PRPF8: variants seen among roughly 807,000 people sequenced by gnomAD.
The protein encoded by PRPF8 is pre-mRNA processing factor 8, also known as pre-mRNA-processing-splicing factor 8.
PRPF8 carries 64 observed loss-of-function variants against 285.9 expected under a neutral mutation model. The observed-to-expected ratio is 0.22, with a 90% CI of 0.18 to 0.28. The LOEUF is 0.28. PRPF8 is among the 10% of genes least tolerant of loss of function. PRPF8 has a pLI of 1.00. For missense variants in PRPF8, 1,426 were observed against 3,026.7 expected (o/e 0.47, Z 12.41); for synonymous variants, 1,325 against 1,118.2 (o/e 1.18, Z -3.69).
At chr17:1,660,166 T>A (rs1170248258) in intron 30 of PRPF8, among the ~76,000 whole-genome samples, 165 bp from the exon 31 acceptor site, 1 of 152,068 alleles carries the variant, frequency 6.6e-6, no homozygotes, top group East Asian at 1.9e-4. Context: ...CAGCACGCTC[T>A]CCCCGCGATT....
Position 1,660,837 on chromosome 17 carries a change from A to C in PRPF8, c.4509-10T>G. On this transcript the variant is annotated splice_polypyrimidine_tract_variant and intron_variant, in intron 28 of 42. Transcript: ENST00000304992. ...GCCACTGGCCTTCTCCCTGGGGAGC[A>C]AGAGAAGCAGGTGAGGTGATATCCT... 2.5e-6 allele frequency: 4 copies of C among 1,613,818 alleles called. No homozygotes were observed. The highest frequency in any genetic ancestry group is 2.2e-5 in the East Asian group (1 of 44,884).
chr17:1,683,809 C>T (rs1767007647), intron 2 of PRPF8, 108 bp from the exon 3 acceptor site: 2 of 1,358,690 alleles, frequency 1.5e-6, no homozygotes, highest in Non-Finnish European at 2.1e-6. Flanking sequence ...AAGCAGGCAC[C>T]AGCAGGAAGA....
In PRPF8 at chr17:1,675,337, T is replaced by C; in HGVS notation, c.2875A>G (p.Ile959Val). The C allele has an allele frequency of 6.2e-7, 1 of 1,614,170 alleles. No individual in the cohort carries two copies. The change falls in exon 20 of 43, where the codon ATC becomes GTC. Residue 959 changes from isoleucine to valine, a missense_variant and splice_region_variant. Physicochemically the swap from Ile to Val is conservative, Grantham distance 29. Coordinates refer to ENST00000304992, the MANE Select transcript of PRPF8 (RefSeq NM_006445.4). This position sits in a 1 kb window ranked among gnomAD's most constrained non-coding sequence, Gnocchi z 6.0. ...TCCCACACGTCCTGCAGGTTATTGA[T>C]GCCTGAGGAGTAGCAAGGCAGGTCT... ...PLLVYKWCQGINNLQDVWETS... is the reference protein window; with the variant it reads ...PLLVYKWCQGVNNLQDVWETS...
chr17:1,680,418 T>C (rs1188400368), intron 8 of PRPF8: 1 of 474,302 alleles, frequency 2.1e-6, no homozygotes, highest in East Asian at 4.1e-5. Context: ...ATAACTTGTA[T>C]GGTATGTTAA....
chr17:1,664,496 G>C (rs762832508), intron 24 of PRPF8, among the ~76,000 whole-genome samples: 1 of 152,110 alleles, frequency 6.6e-6, no homozygotes, highest in Admixed American at 6.5e-5. Context: ...AAGAGAGACT[G>C]TACGCTAGGA....
intron 24 of PRPF8, 138 bp from the exon 25 acceptor site, chr17:1,662,291 A>G (rs551939915): frequency 1.1e-5 from 12 of 1,044,194 alleles, no homozygotes; most frequent in Non-Finnish European, 1.6e-5. Context: ...GGGAAATAGA[A>G]AGCAAAACAC....
At position 1,675,085 on chromosome 17, in the gene PRPF8, A is replaced by T. The variant is rs1264089962; in HGVS notation, c.3060+67T>A. 4.4e-6 allele frequency: 7 copies of T among 1,596,070 alleles called. No homozygotes were observed. Among genetic ancestry groups the T allele is most frequent in the Non-Finnish European group, 6.0e-6 (7 of 1,167,866 alleles). On this transcript the variant is annotated intron_variant, in intron 20 of 42. Coordinates refer to ENST00000304992, the MANE Select transcript of PRPF8 (RefSeq NM_006445.4). The surrounding 1 kb of genome is among the most constrained non-coding windows in gnomAD (Gnocchi z 6.0). ...ACCGCACCCAGCCTCCTCCTCAGCA[A>T]ATTCTGAGTCAGTGGGCCAGACAAG...
At chr17:1,660,084 T>A (rs1028236607) in intron 30 of PRPF8, 83 bp from the exon 31 acceptor site, 1 of 1,456,358 alleles carries the variant, frequency 6.9e-7, no homozygotes, top group African/African-American at 1.4e-5. Context: ...AATGAGGCAA[T>A]AGGAGTCTCA....
chr17:1,681,472 A>G lies in PRPF8; in HGVS notation c.866+6T>C. The G allele has an allele frequency of 1.3e-6, 2 of 1,565,112 alleles. No individual in the cohort carries two copies. The highest frequency in any genetic ancestry group is 8.8e-7 in the Non-Finnish European group (1 of 1,135,552). The stretch of plus-strand genomic sequence containing the variant: ...ATGTCTAAAATCCCTAATCTCTCCA[A>G]CTCACTGTAGGTTGATGTCTCGAAC... On this transcript the variant is annotated splice_donor_region_variant and intron_variant, in intron 6 of 42. Coordinates refer to ENST00000304992, the MANE Select transcript of PRPF8 (RefSeq NM_006445.4).
At chr17:1,680,530 T>TA in intron 8 of PRPF8, 196 bp downstream of exon 8, 3 of 653,000 alleles carry the variant, frequency 4.6e-6, no homozygotes, top group South Asian at 3.5e-5. Context: ...TCCAAAAGGA[T>TA]AATCACAGAA....
chr17:1,683,503 C>T, intron 3 of PRPF8, 30 bp downstream of exon 3: 1 of 1,613,734 alleles, frequency 6.2e-7, no homozygotes, highest in Non-Finnish European at 8.5e-7. Flanking sequence ...GGCCAAATTC[C>T]AAATGAAATT....
Position 1,678,606 on chromosome 17 carries a change from G to A in PRPF8, c.1766C>T (p.Thr589Met). The change falls in exon 13 of 43, where the codon ACG (threonine) becomes ATG (methionine). Residue 589 changes from threonine to methionine, a missense_variant. Thr to Met is a moderately conservative substitution (Grantham distance 81). Coordinates refer to ENST00000304992, the MANE Select transcript of PRPF8 (RefSeq NM_006445.4). ...CTTGTATTTGTATCGATACATGCCCGTCAACTGCCCAACATGGGCAAATAT... is the reference window on the plus strand; with the variant it reads ...CTTGTATTTGTATCGATACATGCCCATCAACTGCCCAACATGGGCAAATAT... ...QYIFAHVGQL[T>M]GMYRYKYKLM... 2 of 1,614,186 alleles carry A rather than the reference G, an allele frequency of 1.2e-6. No homozygotes were observed. Among genetic ancestry groups the A allele is most frequent in the Non-Finnish European group, 8.5e-7 (1 of 1,180,018 alleles).
intron 36 of PRPF8, among the ~76,000 whole-genome samples, 164 bp downstream of exon 36, chr17:1,656,228 A>G (rs1218869829): frequency 6.6e-6 from 1 of 152,158 alleles, no homozygotes; most frequent in Non-Finnish European, 1.5e-5. Context: ...CGGCCCCAAG[A>G]GTTGATTTTT....
At position 1,661,430 on chromosome 17, in the gene PRPF8, G is replaced by C; in HGVS notation, c.4203-24C>G. 1 of 1,614,076 alleles carries C rather than the reference G, an allele frequency of 6.2e-7. No homozygotes were observed. The highest frequency in any genetic ancestry group is 8.5e-7 in the Non-Finnish European group (1 of 1,180,040). On this transcript the variant is annotated intron_variant, in intron 26 of 42. Transcript: ENST00000304992. This position sits in a 1 kb window ranked among gnomAD's most constrained non-coding sequence, Gnocchi z 7.3. The stretch of plus-strand genomic sequence containing the variant: ...GTCTTCCAAAAAAAGAAAGATTCAA[G>C]TCAAAACGTGATCTCATATGAGGAG...
At position 1,658,114 on chromosome 17, in the gene PRPF8, T is replaced by C. The variant is rs1911492951; in HGVS notation, c.5505+139A>G. The C allele has an allele frequency of 7.7e-7, 1 of 1,307,178 alleles. No individual in the cohort carries two copies. Among genetic ancestry groups the C allele is most frequent in the African/African-American group, 1.5e-5 (1 of 68,294 alleles). The allele number at this position is 1,307,178 out of a possible 1,614,324, so 81.0% of individuals were successfully genotyped here. ...CACTCTTGGACCTCCCACAGAATACTTCCCAAGGTATTTTGGGGATAAGTT... is the reference window on the plus strand; with the variant it reads ...CACTCTTGGACCTCCCACAGAATACCTCCCAAGGTATTTTGGGGATAAGTT... On this transcript the variant is annotated intron_variant, in intron 34 of 42. Coordinates refer to ENST00000304992, the MANE Select transcript of PRPF8 (RefSeq NM_006445.4). The surrounding 1 kb of genome is among the most constrained non-coding windows in gnomAD (Gnocchi z 4.1).
rs1409260368 is a variant in PRPF8, at chr17:1,684,760, C to T, written c.-12+20G>A. ...CCGACCACGCCTCCCGCAGCCCGGC[C>T]TTAAACGCCTGCCACGCACCCCACA... On this transcript the variant is annotated intron_variant, in intron 1 of 42. Transcript: ENST00000304992. 1.6e-6 allele frequency: 1 copy of T among 643,342 alleles called. No individual in the cohort carries two copies. Among genetic ancestry groups the T allele is most frequent in the Non-Finnish European group, 2.8e-6 (1 of 359,730 alleles). 39.9% of individuals were successfully genotyped at this position (643,342 alleles called of 1,614,324 possible). A position where few individuals can be genotyped will look rare whatever the true frequency, so the allele number is the denominator to read the frequency against.
Position 1,673,224 on chromosome 17 carries a change from G to T in PRPF8, c.3658-27C>A. 3 of 1,611,636 alleles carry T rather than the reference G, an allele frequency of 1.9e-6. No homozygotes were observed. The highest frequency in any genetic ancestry group is 2.2e-5 in the East Asian group (1 of 44,876). On this transcript the variant is annotated intron_variant, in intron 23 of 42. Coordinates refer to ENST00000304992, the MANE Select transcript of PRPF8 (RefSeq NM_006445.4). The surrounding 1 kb of genome is among the most constrained non-coding windows in gnomAD (Gnocchi z 5.5). ...TAAACCACAAAGTCAAGGTTAACAT[G>T]TCCGAGGAACTCCCACAGAAGCAAG...
chr17:1,667,174 A>G (rs201927680), intron 24 of PRPF8, among the ~76,000 whole-genome samples: 1 of 104,744 alleles, frequency 9.5e-6, no homozygotes, highest in African/African-American at 9.4e-5. Flanking sequence ...CTCCCTCTCA[A>G]AAAAAAAAAG....
chr17:1,652,337 CA>C (rs1272138837), intron 39 of PRPF8, among the ~76,000 whole-genome samples: 6 of 152,138 alleles, frequency 3.9e-5, no homozygotes, highest in Non-Finnish European at 8.8e-5. Flanking sequence ...CTCCTGGGTT[CA>C]AGCAATTCTC....
Sources: gnomAD v4.1 joint callset for allele counts (sites outside exome capture counted in the v4.1 genomes callset) on GRCh38, gnomAD v4.1.1 for gene constraint, Gnocchi (gnomAD v3.1) non-coding constraint, MANE v1.5 for transcripts, NCBI Gene and HGNC (gene_info 2026-07-23, HGNC 2026-07-21) for gene names.